The following PPP4R2 variants were observed in gnomAD, a reference collection of about 807,000 sequenced individuals.
The protein encoded by PPP4R2 is serine/threonine-protein phosphatase 4 regulatory subunit 2.
PPP4R2 carries 13 observed loss-of-function variants against 47.2 expected under a neutral mutation model. That is an observed-to-expected ratio of 0.28 (90% CI 0.18 to 0.44). The LOEUF (loss-of-function observed/expected upper bound fraction) is 0.44. PPP4R2 is among the 20% of genes least tolerant of loss of function. The probability of loss-of-function intolerance (pLI) is 1.00; values close to 1 mark genes in which losing one functional copy is unlikely to be tolerated. For synonymous variants in PPP4R2, 151 were observed against 163.3 expected, an observed-to-expected ratio of 0.92 and a Z score of 0.57; for missense variants, 421 against 491.2, an observed-to-expected ratio of 0.86 and a Z score of 1.35.
At chr3:73,044,581 C>T (rs978442169) in intron 2 of PPP4R2, among the ~76,000 whole-genome samples, 1 of 152,144 alleles carries the variant, frequency 6.6e-6, no homozygotes, top group African/African-American at 2.4e-5. Context: ...GTGACACTGT[C>T]TCAGAAAGGA....
At chr3:73,047,061 A>G in intron 2 of PPP4R2, 125 bp from the exon 3 acceptor site, 2 of 587,672 alleles carry the variant, frequency 3.4e-6, no homozygotes, top group South Asian at 2.5e-5. Context: ...CGGCATTCTC[A>G]TTACTAATTA....
At chr3:73,063,910 G>A in intron 6 of PPP4R2, 93 bp from the exon 7 acceptor site, 1 of 1,276,064 alleles carries the variant, frequency 7.8e-7, no homozygotes. Context: ...CAAAGTTGCA[G>A]CAAATACTTC....
intron 3 of PPP4R2, among the ~76,000 whole-genome samples, chr3:73,056,491 G>T (rs2107328617): frequency 6.6e-6 from 1 of 152,280 alleles, no homozygotes; most frequent in East Asian, 1.9e-4. Flanking sequence ...TGGATCCATT[G>T]ATTTGCAGAA....
At chr3:73,005,698 A>G (rs943076446) in intron 2 of PPP4R2, among the ~76,000 whole-genome samples, 12 of 151,888 alleles carry the variant, frequency 7.9e-5, no homozygotes, top group African/African-American at 2.9e-4. Context: ...AAAATACAAA[A>G]TTTGCTGGGT....
In PPP4R2 at chr3:73,066,024, A is replaced by G. The variant is rs1965964; in HGVS notation, c.*302A>G. Reference sequence around the variant, plus strand: ...TAGGATTGAAGTTTTTAAACTGGAAAGTAATTACAATTTTGAAAAGTTTTT... The same window carrying G: ...TAGGATTGAAGTTTTTAAACTGGAAGGTAATTACAATTTTGAAAAGTTTTT... On this transcript the variant is annotated 3_prime_UTR_variant, in exon 9 of 9. Transcript: ENST00000356692. 0.52 allele frequency: 89,947 copies of G among 172,330 alleles called. 24,075 individuals are homozygous for G. The highest frequency in any genetic ancestry group is 0.61 in the African/African-American group (25,418 of 41,332). 10.7% of individuals were successfully genotyped at this position (172,330 alleles called of 1,614,324 possible).
chr3:73,049,217 G>T (rs1330654066), intron 3 of PPP4R2, among the ~76,000 whole-genome samples: 1 of 152,062 alleles, frequency 6.6e-6, no homozygotes, highest in Non-Finnish European at 1.5e-5. Flanking sequence ...TACTTCTCGG[G>T]GCCAGGTGTG....
chr3:73,005,143 A>G (rs1405185724), intron 2 of PPP4R2, among the ~76,000 whole-genome samples: 4 of 152,032 alleles, frequency 2.6e-5, no homozygotes, highest in Non-Finnish European at 5.9e-5. Flanking sequence ...GGGTTTCACC[A>G]TATTGGCCAG....
chr3:73,039,695 G>A (rs1702337835), intron 2 of PPP4R2, among the ~76,000 whole-genome samples: 1 of 152,148 alleles, frequency 6.6e-6, no homozygotes, highest in African/African-American at 2.4e-5. Flanking sequence ...GGCCAGGGAT[G>A]TAGCTCCACA....
rs1559574408 is a variant in PPP4R2, at chr3:73,067,944, C to T, written c.*2222C>T. 1 of 152,112 alleles carries T rather than the reference C, an allele frequency of 6.6e-6. No individual in the cohort carries two copies. Among genetic ancestry groups the T allele is most frequent in the Non-Finnish European group, 1.5e-5 (1 of 67,996 alleles). The allele number at this position is 152,112 out of a possible 1,614,324, so 9.4% of individuals were successfully genotyped here. On this transcript the variant is annotated 3_prime_UTR_variant, in exon 9 of 9. Coordinates refer to ENST00000356692, the MANE Select transcript of PPP4R2 (RefSeq NM_174907.4). ...ATAGTTTTAATATTTATTAGATATTCATATGTTGATCATAGATCAAACTTG... is the reference window on the plus strand; with the variant it reads ...ATAGTTTTAATATTTATTAGATATTTATATGTTGATCATAGATCAAACTTG...
At chr3:73,055,304 G>A (rs1243442019) in intron 3 of PPP4R2, among the ~76,000 whole-genome samples, 2 of 151,888 alleles carry the variant, frequency 1.3e-5, no homozygotes, top group African/African-American at 2.4e-5. Flanking sequence ...GTATTTAGTC[G>A]TCATGATAAT....
chr3:73,061,903 T>C (rs969094072), intron 5 of PPP4R2: 3 of 560,874 alleles, frequency 5.3e-6, no homozygotes, highest in Admixed American at 7.4e-5. Flanking sequence ...AATATAGTTA[T>C]GTTGCTAAAT....
rs144497727 is a variant in PPP4R2 at position 73,041,665 on chromosome 3, T to C, written c.117-5521T>C. On this transcript the variant is annotated intron_variant, in intron 2 of 8. Coordinates refer to ENST00000356692, the MANE Select transcript of PPP4R2 (RefSeq NM_174907.4). ...GTAGCTAATAGTAGTAGGACTCTCC[T>C]GAGCTTTGTTGTGCTCTTAGTGTTC... Among the ~76,000 whole-genome samples the C allele has an allele frequency of 3.3e-5, 5 of 152,358 alleles. No individual in the cohort carries two copies. The East Asian group carries it at 9.6e-4, about 29-fold the overall frequency.
chr3:73,019,060 A>G (rs891603818), intron 2 of PPP4R2, among the ~76,000 whole-genome samples: 6 of 152,188 alleles, frequency 3.9e-5, no homozygotes, highest in Admixed American at 2.0e-4. Context: ...TCATCGATGG[A>G]CCACATATAT....
chr3:72,998,037 T>G, intron 1 of PPP4R2, 40 bp from the exon 2 acceptor site: 1 of 1,449,880 alleles, frequency 6.9e-7, no homozygotes, highest in Non-Finnish European at 9.6e-7. Flanking sequence ...AGAGCGCTTT[T>G]GAGAAAACTG....
At chr3:73,048,959 C>T (rs1162638158) in intron 3 of PPP4R2, among the ~76,000 whole-genome samples, 1 of 152,062 alleles carries the variant, frequency 6.6e-6, no homozygotes, top group Non-Finnish European at 1.5e-5. Context: ...CTTTGAGGTT[C>T]ATCAGTTATA....
intron 2 of PPP4R2, among the ~76,000 whole-genome samples, chr3:73,038,031 C>T (rs1287275543): frequency 6.6e-6 from 1 of 152,100 alleles, no homozygotes; most frequent in Non-Finnish European, 1.5e-5. Context: ...AAAAAAAGGG[C>T]CCAGGTCCTA....
Position 73,018,971 on chromosome 3 carries a change from T to C in PPP4R2, c.116+20813T>C, listed in dbSNP as rs557023603. Among the ~76,000 whole-genome samples, 20 of 152,252 alleles carry C rather than the reference T, an allele frequency of 1.3e-4. No individual in the cohort carries two copies. In the East Asian group the frequency reaches 1.3e-3, roughly 10 times the overall value. On this transcript the variant is annotated intron_variant, in intron 2 of 8. Transcript: ENST00000356692. The stretch of plus-strand genomic sequence containing the variant: ...GTAAGTTTTGAGGGGGCTGAACTTA[T>C]GTTACTCAGAATGTGTCACACAGTA...
intron 3 of PPP4R2, among the ~76,000 whole-genome samples, chr3:73,055,134 C>T (rs1024783820): frequency 3.9e-5 from 6 of 152,042 alleles, no homozygotes; most frequent in African/African-American, 9.7e-5. Context: ...TAAAGACAGA[C>T]CTATACTTTT....
Position 73,060,880 on chromosome 3 carries a change from TCATTTTTAAC to T in PPP4R2, c.382-136_382-127del, listed in dbSNP as rs1473532833. ...TTAGTTTTTGCTGTTTCACCAGTTT[TCATTTTTAAC>T]CATTTTCCTTTACTAGCAAAATTAG... On this transcript the variant is annotated intron_variant, in intron 4 of 8. Coordinates refer to ENST00000356692, the MANE Select transcript of PPP4R2 (RefSeq NM_174907.4). 14 of 523,506 alleles carry T rather than the reference TCATTTTTAAC, an allele frequency of 2.7e-5. 1 individual carries two copies. The African/African-American group carries it at 2.8e-4, about 11-fold the overall frequency. The allele number at this position is 523,506 out of a possible 1,614,324, so 32.4% of individuals were successfully genotyped here.
Sources: allele counts gnomAD v4.1 joint callset (sites outside exome capture counted in the v4.1 genomes callset), GRCh38; gene constraint gnomAD v4.1.1; transcripts MANE v1.5; gene names NCBI Gene and HGNC (gene_info 2026-07-23, HGNC 2026-07-21).